The following IL2RB variants were observed in gnomAD, a reference collection of about 807,000 sequenced individuals.
IL2RB encodes interleukin 2 receptor subunit beta, also known as interleukin-2 receptor subunit beta.
IL2RB carries 17 observed loss-of-function variants against 44.2 expected under a neutral mutation model. The observed-to-expected ratio is 0.38, with a 90% confidence interval of 0.26 to 0.58. The LOEUF (loss-of-function observed/expected upper bound fraction) is 0.58, where lower values mean the gene tolerates loss of function less well. Among genes scored for constraint, IL2RB ranks in the 20% least tolerant of loss-of-function variants. The pLI is 0.63. For synonymous variants in IL2RB, 286 were observed against 297.9 expected (o/e 0.96, Z 0.41); for missense variants, 624 against 685.5 (o/e 0.91, Z 1.00).
intron 1 of IL2RB, among the ~76,000 whole-genome samples, chr22:37,145,573 G>A (rs1922185557): frequency 2.0e-5 from 3 of 152,112 alleles, no homozygotes; most frequent in South Asian, 2.1e-4. Flanking sequence ...TGGGTGTGCG[G>A]AGGGGAATGA....
Position 37,137,441 on chromosome 22 carries a change from C to G in IL2RB, c.537+146G>C, listed in dbSNP as rs1216324882. 6.4e-6 allele frequency: 5 copies of G among 786,110 alleles called. No individual in the cohort carries two copies. In the African/African-American group the frequency reaches 8.7e-5, roughly 14 times the overall value. The allele number at this position is 786,110 out of a possible 1,614,324, so 48.7% of individuals were successfully genotyped here. A position where few individuals can be genotyped will look rare whatever the true frequency, so the allele number is the denominator to read the frequency against. ...GGACGTGGAAGTCGGGGAGGCAGCC[C>G]CAGGCAGTGCAGAAAGAGCACTGGA... On this transcript the variant is annotated intron_variant, in intron 6 of 9. Coordinates refer to ENST00000216223, the MANE Select transcript of IL2RB (RefSeq NM_000878.5).
At chr22:37,135,216 A>AAG in intron 8 of IL2RB, 112 bp downstream of exon 8, 1 of 650,518 alleles carries the variant, frequency 1.5e-6, no homozygotes, top group Non-Finnish European at 2.8e-6. Flanking sequence ...GTGTTCATGT[A>AAG]AGTGTGTGTG....
chr22:37,141,459 C>T lies in IL2RB; in HGVS notation c.282+975G>A, dbSNP rs1233342537. 2.0e-5 allele frequency among the ~76,000 whole-genome samples: 3 copies of T among 152,096 alleles called. No individual in the cohort carries two copies. The highest frequency in any genetic ancestry group is 2.9e-5 in the Non-Finnish European group (2 of 68,008). ...CCCGATCTGATCCTGGAGGCACAGT[C>T]GGGGCTACGCACTCTGTGGATCCAG... On this transcript the variant is annotated intron_variant, in intron 4 of 9. Coordinates refer to ENST00000216223, the MANE Select transcript of IL2RB (RefSeq NM_000878.5). The surrounding 1 kb of genome is among the most constrained non-coding windows in gnomAD (Gnocchi z 4.4).
chr22:37,128,865 C>G lies in IL2RB; in HGVS notation c.904-17G>C, dbSNP rs1177821761. Reference sequence around the variant, plus strand: ...GAGCCACTTCTGGTGGGAGAAAGGCCAGGGGTGGGTGAGTGGGGGCTTCCT... The same window carrying G: ...GAGCCACTTCTGGTGGGAGAAAGGCGAGGGGTGGGTGAGTGGGGGCTTCCT... On this transcript the variant is annotated splice_polypyrimidine_tract_variant and intron_variant, in intron 9 of 9. Coordinates refer to ENST00000216223, the MANE Select transcript of IL2RB (RefSeq NM_000878.5). The surrounding 1 kb of genome is among the most constrained non-coding windows in gnomAD (Gnocchi z 4.5). The G allele has an allele frequency of 6.3e-7, 1 of 1,582,536 alleles. No individual in the cohort carries two copies. The highest frequency in any genetic ancestry group is 2.2e-5 in the East Asian group (1 of 44,454).
intron 5 of IL2RB, among the ~76,000 whole-genome samples, chr22:37,138,399 T>C (rs1222987845): frequency 6.6e-6 from 1 of 152,174 alleles, no homozygotes; most frequent in Non-Finnish European, 1.5e-5. Flanking sequence ...TCCCCAAAAC[T>C]CAGGCTCAGA....
intron 5 of IL2RB, among the ~76,000 whole-genome samples, chr22:37,138,237 G>A (rs1921802067): frequency 6.6e-6 from 1 of 152,204 alleles, no homozygotes; most frequent in South Asian, 2.1e-4. Context: ...CTGTGATTCT[G>A]AAGTTAAATG....
chr22:37,130,470 G>A lies in IL2RB; in HGVS notation c.904-1622C>T, dbSNP rs965518381. On this transcript the variant is annotated intron_variant, in intron 9 of 9. Transcript: ENST00000216223. ...CCTGGGAAGTGGGGGTGGGCCTTGTGGCCCCTGTGGGTCCTAGGGTGGAGG... is the reference window on the plus strand; with the variant it reads ...CCTGGGAAGTGGGGGTGGGCCTTGTAGCCCCTGTGGGTCCTAGGGTGGAGG... Among the ~76,000 whole-genome samples, 3 of 152,240 alleles carry A rather than the reference G, an allele frequency of 2.0e-5. No individual in the cohort carries two copies. The East Asian group carries it at 5.8e-4, about 29-fold the overall frequency.
intron 6 of IL2RB, among the ~76,000 whole-genome samples, chr22:37,136,854 G>A (rs1227200496): frequency 6.6e-6 from 1 of 152,142 alleles, no homozygotes; most frequent in East Asian, 1.9e-4. Flanking sequence ...CCTTTGCCGT[G>A]GCAGGTCTTT....
intron 1 of IL2RB, among the ~76,000 whole-genome samples, chr22:37,157,746 C>T (rs927653582): frequency 6.6e-6 from 1 of 152,158 alleles, no homozygotes; most frequent in African/African-American, 2.4e-5. Flanking sequence ...CAGAGCCTTG[C>T]TTATGAGTCT....
At chr22:37,143,744 G>T (rs1922086053) in intron 2 of IL2RB, 109 bp from the exon 3 acceptor site, 1 of 790,996 alleles carries the variant, frequency 1.3e-6, no homozygotes, top group Non-Finnish European at 2.2e-6. Context: ...GGAGGAGGTG[G>T]GTAACTCTGG....
chr22:37,134,188 A>G (rs1921573713), intron 8 of IL2RB, among the ~76,000 whole-genome samples: 1 of 152,250 alleles, frequency 6.6e-6, no homozygotes, highest in African/African-American at 2.4e-5. Context: ...TTTTTAAAAT[A>G]CAGCATAACA....
chr22:37,158,984 C>G lies in IL2RB; in HGVS notation c.-33-14779G>C, dbSNP rs543829026. 2.6e-5 allele frequency among the ~76,000 whole-genome samples: 4 copies of G among 152,382 alleles called. No individual in the cohort carries two copies. The South Asian group carries it at 8.3e-4, about 32-fold the overall frequency. On this transcript the variant is annotated intron_variant, in intron 1 of 5. Coordinates refer to the IL2RB transcript ENST00000429622. ...CGGACTCCTAACCCAGGTCTCCTCA[C>G]AGCCAGGCCAGTGTCCTGTGATGGG...
intron 9 of IL2RB, among the ~76,000 whole-genome samples, chr22:37,131,958 A>G (rs190574952): frequency 6.6e-6 from 1 of 151,694 alleles, no homozygotes; most frequent in Admixed American, 6.6e-5. Context: ...CTGGTCTCGA[A>G]CTCCTGACCT....
chr22:37,149,002 A>G (rs1467353456), intron 1 of IL2RB, among the ~76,000 whole-genome samples: 1 of 152,036 alleles, frequency 6.6e-6, no homozygotes, highest in Non-Finnish European at 1.5e-5. Flanking sequence ...CTTGCTATTT[A>G]ACTTCAGGGG....
chr22:37,133,719 C>T (rs563505741), intron 8 of IL2RB, among the ~76,000 whole-genome samples: 2 of 152,320 alleles, frequency 1.3e-5, no homozygotes, highest in African/African-American at 4.8e-5. Context: ...TGGGGAAACC[C>T]TCCATGACTG....
At chr22:37,157,090 C>T (rs946203990) in intron 1 of IL2RB, among the ~76,000 whole-genome samples, 2 of 142,376 alleles carry the variant, frequency 1.4e-5, no homozygotes, top group Non-Finnish European at 2.9e-5. Flanking sequence ...GACCCTCCGC[C>T]CAGTCCCCAT....
intron 8 of IL2RB, among the ~76,000 whole-genome samples, chr22:37,134,145 T>A (rs1921571123): frequency 6.6e-6 from 1 of 152,090 alleles, no homozygotes; most frequent in Non-Finnish European, 1.5e-5. Context: ...AAAAAAACCC[T>A]CATAGCAATA....
rs575492551 is a variant in IL2RB, at chr22:37,144,283, C to G, written c.-33-78G>C. ...GCTGCCCCTAGAGGCAGGCTGGGCC[C>G]GCCCCCTCAGTGTGCATGGTCTGCA... On this transcript the variant is annotated intron_variant, in intron 1 of 9. Coordinates refer to ENST00000216223, the MANE Select transcript of IL2RB (RefSeq NM_000878.5). The G allele has an allele frequency of 3.5e-5, 51 of 1,462,994 alleles. 1 individual carries two copies. The South Asian group carries it at 7.2e-4, about 21-fold the overall frequency. The allele number at this position is 1,462,994 out of a possible 1,614,324, so 90.6% of individuals were successfully genotyped here.
intron 1 of IL2RB, among the ~76,000 whole-genome samples, chr22:37,160,772 C>G (rs993203171): frequency 6.6e-6 from 1 of 151,250 alleles, no homozygotes; most frequent in Non-Finnish European, 1.5e-5. Context: ...ATCGCTTGAG[C>G]CTGGGAAGCA....
Sources: allele counts gnomAD v4.1 joint callset (sites outside exome capture counted in the v4.1 genomes callset), GRCh38; gene constraint gnomAD v4.1.1; non-coding constraint Gnocchi (gnomAD v3.1); transcripts MANE v1.5; gene names NCBI Gene and HGNC (gene_info 2026-07-23, HGNC 2026-07-21).